Variants in LUZP2 observed in about 807,000 individuals in gnomAD.
The protein encoded by LUZP2 is leucine zipper protein 2.
A neutral mutation model predicts 51.6 loss-of-function variants in LUZP2; 52 were observed. The ratio of observed to expected loss-of-function variants is 1.01; its 90% CI spans 0.81 to 1.27. LUZP2 has a LOEUF of 1.27. Ranked by LOEUF, LUZP2 falls within the 50% of genes most tolerant of loss-of-function variation. LUZP2 has a pLI of 0.00. For missense variants in LUZP2, 436 were observed against 395.4 expected (o/e 1.10, Z -0.87); for synonymous variants, 154 against 137.3 (o/e 1.12, Z -0.85).
At chr11:24,558,371 T>A (rs1005903956) in intron 1 of LUZP2, among the ~76,000 whole-genome samples, 3 of 123,612 alleles carry the variant, frequency 2.4e-5, no homozygotes, top group African/African-American at 1.0e-4. Flanking sequence ...TCCTAATAAA[T>A]CTTTTTTGTT....
At chr11:24,847,990 A>G (rs1212162578) in intron 5 of LUZP2, among the ~76,000 whole-genome samples, 1 of 152,146 alleles carries the variant, frequency 6.6e-6, no homozygotes, top group African/African-American at 2.4e-5. Flanking sequence ...TTTCTGGTAC[A>G]TAGAATCATT....
intron 5 of LUZP2, among the ~76,000 whole-genome samples, chr11:24,887,911 C>T (rs776135609): frequency 1.3e-5 from 2 of 152,158 alleles, no homozygotes; most frequent in Admixed American, 6.5e-5. Context: ...GCAGCGATCT[C>T]TGGTTTTATT....
chr11:24,720,856 C>T (rs944303624), intron 1 of LUZP2, among the ~76,000 whole-genome samples: 25 of 152,172 alleles, frequency 1.6e-4, no homozygotes, highest in Non-Finnish European at 2.8e-4. Context: ...CCCGCCACCA[C>T]GTCCGGCTAA....
intron 3 of LUZP2, among the ~76,000 whole-genome samples, chr11:24,734,744 T>G (rs1013557186): frequency 1.6e-4 from 24 of 151,964 alleles, no homozygotes; most frequent in African/African-American, 5.3e-4. Flanking sequence ...TTAGTAAACA[T>G]TAAAAGAGAA....
intron 10 of LUZP2, among the ~76,000 whole-genome samples, chr11:25,073,724 T>G (rs1239248372): frequency 6.6e-6 from 1 of 152,072 alleles, no homozygotes; most frequent in African/African-American, 2.4e-5. Flanking sequence ...TATTTTTCTA[T>G]GTTTGGTAAT....
intron 1 of LUZP2, among the ~76,000 whole-genome samples, chr11:24,715,505 C>A (rs544767494): frequency 7.9e-5 from 12 of 152,212 alleles, no homozygotes; most frequent in Non-Finnish European, 1.2e-4. Context: ...ATATTGCTTG[C>A]TGATTTATAA....
chr11:25,045,387 G>GAA (rs778522513), intron 9 of LUZP2, among the ~76,000 whole-genome samples: 1 of 124,054 alleles, frequency 8.1e-6, no homozygotes, highest in African/African-American at 3.0e-5. Flanking sequence ...AAGAATAACT[G>GAA]AAAAAAAAAA....
intron 1 of LUZP2, among the ~76,000 whole-genome samples, chr11:24,593,295 A>G (rs990819246): frequency 6.6e-6 from 1 of 152,112 alleles, no homozygotes; most frequent in African/African-American, 2.4e-5. Flanking sequence ...TTGTCATTGT[A>G]TATCATTATT....
chr11:24,937,778 G>A (rs190562902), intron 7 of LUZP2, among the ~76,000 whole-genome samples: 1 of 151,952 alleles, frequency 6.6e-6, no homozygotes, highest in African/African-American at 2.4e-5. Flanking sequence ...GCGGGCGCCC[G>A]TAGTTCCAGA....
At chr11:24,750,585 A>G (rs1227591525) in intron 4 of LUZP2, among the ~76,000 whole-genome samples, 2 of 152,208 alleles carry the variant, frequency 1.3e-5, no homozygotes, top group African/African-American at 2.4e-5. Context: ...CAATATGAAG[A>G]CAAAATATTA....
intron 1 of LUZP2, chr11:24,646,601 T>G: frequency 1.0e-6 from 1 of 985,096 alleles, no homozygotes; most frequent in Non-Finnish European, 1.2e-6. Flanking sequence ...GAAAGACTGG[T>G]TGAGTTTGTC....
intron 9 of LUZP2, among the ~76,000 whole-genome samples, chr11:25,005,069 T>C (rs1856796176): frequency 1.3e-5 from 2 of 152,134 alleles, no homozygotes; most frequent in Non-Finnish European, 2.9e-5. Context: ...TTGATCTGCT[T>C]TAAGTCAGAG....
chr11:24,638,108 T>C (rs1855165720), intron 1 of LUZP2, among the ~76,000 whole-genome samples: 1 of 151,872 alleles, frequency 6.6e-6, no homozygotes, highest in Non-Finnish European at 1.5e-5. Context: ...TGTTGGGGGC[T>C]GGTTCCCTGA....
At chr11:25,005,884 A>G (rs552712700) in intron 9 of LUZP2, among the ~76,000 whole-genome samples, 1 of 152,216 alleles carries the variant, frequency 6.6e-6, no homozygotes, top group African/African-American at 2.4e-5. Flanking sequence ...AGTCCTAAGC[A>G]TTCTCCTGTT....
chr11:24,941,768 A>G (rs996680646), intron 7 of LUZP2, among the ~76,000 whole-genome samples: 6 of 152,154 alleles, frequency 3.9e-5, no homozygotes, highest in African/African-American at 7.2e-5. Flanking sequence ...ATTGTCAGCT[A>G]TAAGTATAAT....
chr11:24,507,202 A>G (rs1013253471), intron 1 of LUZP2, among the ~76,000 whole-genome samples: 5 of 152,064 alleles, frequency 3.3e-5, no homozygotes, highest in African/African-American at 1.2e-4. Flanking sequence ...TACCCTAGAC[A>G]TTGAATTTTC....
intron 1 of LUZP2, among the ~76,000 whole-genome samples, chr11:24,506,206 G>A (rs370050369): frequency 9.7e-4 from 148 of 152,206 alleles, no homozygotes; most frequent in Non-Finnish European, 1.9e-3. Context: ...GGAATGTAGC[G>A]TGCTTGGAAA....
intron 5 of LUZP2, among the ~76,000 whole-genome samples, chr11:24,879,077 T>C (rs903707092): frequency 2.0e-5 from 3 of 152,094 alleles, no homozygotes; most frequent in Non-Finnish European, 2.9e-5. Flanking sequence ...CACCATTAGC[T>C]GGGACTACAG....
intron 5 of LUZP2, among the ~76,000 whole-genome samples, chr11:24,867,278 G>A (rs10767262): frequency 0.14 from 21,774 of 152,090 alleles, 1,639 homozygotes; most frequent in African/African-American, 0.17. Context: ...GGATATACAA[G>A]ACATAATTTT....
Sources: allele counts gnomAD v4.1 joint callset (sites outside exome capture counted in the v4.1 genomes callset), GRCh38; gene constraint gnomAD v4.1.1; transcripts MANE v1.5; gene names NCBI Gene and HGNC (gene_info 2026-07-23, HGNC 2026-07-21).